CWC27: variants seen among roughly 807,000 people sequenced by gnomAD.
CWC27 encodes the protein CWC27 spliceosome associated cyclophilin.
CWC27 carries 47 observed loss-of-function variants against 63.6 expected under a neutral mutation model. That is an observed-to-expected ratio of 0.74 (90% CI 0.58 to 0.94). CWC27 has a LOEUF of 0.94. CWC27 is among the 40% of genes least tolerant of loss of function. The pLI, the probability that CWC27 is intolerant of heterozygous loss-of-function variation, is 0.00. For synonymous variants in CWC27, 175 were observed against 179.8 expected (o/e 0.97, Z 0.22); for missense variants, 495 against 554.3 (o/e 0.89, Z 1.07).
rs372214728 is a variant in CWC27, at chr5:64,845,143, C to T, written c.939-40300C>T. Among the ~76,000 whole-genome samples, 156 of 152,334 alleles carry T rather than the reference C, an allele frequency of 1.0e-3. 1 individual carries two copies. The highest frequency in any genetic ancestry group is 3.6e-3 in the African/African-American group (150 of 41,580). ...GCCCCATGTAACATCAGAGGAAAGG[C>T]ATCTGCCCAGCAAATTAGAGAACTC... On this transcript the variant is annotated intron_variant, in intron 10 of 13. Transcript: ENST00000381070.
rs750021889 is a variant in CWC27 at position 64,886,918 on chromosome 5, A to G, written c.1042+1372A>G. On this transcript the variant is annotated intron_variant, in intron 11 of 13. Transcript: ENST00000381070. ...AGCATTAATGAGATTTGAAACAGGT[A>G]CAGTCAGGATTATTTTATTTTTAGG... Among the ~76,000 whole-genome samples, 63 of 152,248 alleles carry G rather than the reference A, an allele frequency of 4.1e-4. 1 individual carries two copies. The Middle Eastern group carries it at 0.01, about 25-fold the overall frequency.
intron 10 of CWC27, among the ~76,000 whole-genome samples, chr5:64,860,632 C>A (rs1232936475): frequency 6.6e-6 from 1 of 152,154 alleles, no homozygotes; most frequent in Non-Finnish European, 1.5e-5. Context: ...GATATAACAT[C>A]AGTCTTTCTG....
intron 7 of CWC27, among the ~76,000 whole-genome samples, chr5:64,792,229 A>C (rs1023723259): frequency 2.6e-5 from 4 of 152,144 alleles, no homozygotes; most frequent in Non-Finnish European, 4.4e-5. Context: ...TTTTTTAAAA[A>C]TTAAGAATCC....
chr5:64,944,858 G>A (rs1485756951), intron 11 of CWC27, among the ~76,000 whole-genome samples: 1 of 152,010 alleles, frequency 6.6e-6, no homozygotes. Context: ...GGCAGATCTT[G>A]TCACTCTTTT....
chr5:64,824,904 T>G (rs1188813672), intron 10 of CWC27, among the ~76,000 whole-genome samples: 2 of 151,822 alleles, frequency 1.3e-5, no homozygotes, highest in South Asian at 2.1e-4. Flanking sequence ...AGCTAATTTT[T>G]TCTATTTTTA....
At chr5:64,793,560 G>A (rs901112709) in intron 7 of CWC27, among the ~76,000 whole-genome samples, 21 of 152,090 alleles carry the variant, frequency 1.4e-4, no homozygotes, top group African/African-American at 4.8e-4. Flanking sequence ...AGACTAGCTT[G>A]AATGTTGGAA....
At chr5:64,843,425 T>C (rs773230882) in intron 10 of CWC27, among the ~76,000 whole-genome samples, 1 of 152,228 alleles carries the variant, frequency 6.6e-6, no homozygotes, top group Non-Finnish European at 1.5e-5. Flanking sequence ...GATATTAACA[T>C]CTCAATTCTA....
Position 64,769,080 on chromosome 5 carries a change from A to G in CWC27, c.-67A>G. 7.4e-7 allele frequency: 1 copy of G among 1,344,486 alleles called. No homozygotes were observed. Among genetic ancestry groups the G allele is most frequent in the Non-Finnish European group, 1.1e-6 (1 of 938,270 alleles). The allele number at this position is 1,344,486 out of a possible 1,614,324, so 83.3% of individuals were successfully genotyped here. On this transcript the variant is annotated 5_prime_UTR_variant, in exon 1 of 14. Transcript: ENST00000381070. ...TAAGGAAGAGTGTACTCGTAGGCGG[A>G]CAGCTTTAGTGGCCGGCCGGCCGCT...
At chr5:65,000,146 T>C (rs926909803) in intron 13 of CWC27, among the ~76,000 whole-genome samples, 4 of 152,116 alleles carry the variant, frequency 2.6e-5, no homozygotes, top group Non-Finnish European at 5.9e-5. Context: ...CTTTCAGAGA[T>C]GTCTATTCAG....
chr5:64,983,589 C>T (rs1402796715), intron 13 of CWC27, among the ~76,000 whole-genome samples: 1 of 152,102 alleles, frequency 6.6e-6, no homozygotes. Flanking sequence ...AGCTTTTTTC[C>T]AGGTCCCAGT....
At chr5:64,877,163 T>A (rs1746813599) in intron 10 of CWC27, among the ~76,000 whole-genome samples, 1 of 151,960 alleles carries the variant, frequency 6.6e-6, no homozygotes, top group Non-Finnish European at 1.5e-5. Context: ...GAGTCGACCT[T>A]AGAGTCCATC....
intron 7 of CWC27, among the ~76,000 whole-genome samples, chr5:64,793,102 G>A (rs1744135751): frequency 6.6e-6 from 1 of 151,908 alleles, no homozygotes; most frequent in South Asian, 2.1e-4. Flanking sequence ...CAATCTAGAG[G>A]GCTGGTGAGA....
intron 13 of CWC27, among the ~76,000 whole-genome samples, chr5:64,985,602 T>C (rs1749410376): frequency 6.6e-6 from 1 of 152,224 alleles, no homozygotes; most frequent in Non-Finnish European, 1.5e-5. Context: ...GGTTTTTGTT[T>C]GTTGGCCTGG....
At chr5:64,858,738 T>A (rs1746325338) in intron 10 of CWC27, among the ~76,000 whole-genome samples, 4 of 149,626 alleles carry the variant, frequency 2.7e-5, no homozygotes, top group Admixed American at 6.6e-5. Flanking sequence ...AAAAAAAAAA[T>A]GAAAAAACCA....
At position 65,012,766 on chromosome 5, in the gene CWC27, T is replaced by C. The variant is rs886255500; in HGVS notation, c.1257-5393T>C. On this transcript the variant is annotated intron_variant, in intron 13 of 13. Coordinates refer to ENST00000381070, the MANE Select transcript of CWC27 (RefSeq NM_005869.4). Reference sequence around the variant, plus strand: ...GTTTGTCATTAGGAACCAGCTGTTCTCCATCTCTGAAGGGGCAAGGACAAA... The same window carrying C: ...GTTTGTCATTAGGAACCAGCTGTTCCCCATCTCTGAAGGGGCAAGGACAAA... Among the ~76,000 whole-genome samples, 4 of 152,334 alleles carry C rather than the reference T, an allele frequency of 2.6e-5. No homozygotes were observed. In the South Asian group the frequency reaches 8.3e-4, roughly 32 times the overall value.
intron 13 of CWC27, among the ~76,000 whole-genome samples, chr5:65,004,475 T>C (rs1428250012): frequency 6.6e-6 from 1 of 150,400 alleles, no homozygotes; most frequent in African/African-American, 2.4e-5. Context: ...CTAAATCTAG[T>C]CTATTGTTGA....
intron 11 of CWC27, among the ~76,000 whole-genome samples, chr5:64,914,479 C>T (rs989620630): frequency 2.0e-5 from 3 of 152,084 alleles, no homozygotes; most frequent in Non-Finnish European, 2.9e-5. Context: ...AGAGACTTCA[C>T]GAGGCGCTTC....
At chr5:64,955,835 A>C (rs943196756) in intron 11 of CWC27, among the ~76,000 whole-genome samples, 1 of 152,166 alleles carries the variant, frequency 6.6e-6, no homozygotes, top group Admixed American at 6.6e-5. Flanking sequence ...ATTCTCATAG[A>C]TACAGAAAAA....
chr5:65,004,401 T>TA (rs1554030511), intron 13 of CWC27, among the ~76,000 whole-genome samples: 1 of 112,358 alleles, frequency 8.9e-6, no homozygotes, highest in Non-Finnish European at 1.7e-5. Flanking sequence ...TTTTTTTTGG[T>TA]GGGGGGGTGG....
Sources: gnomAD v4.1 joint callset for allele counts (sites outside exome capture counted in the v4.1 genomes callset) on GRCh38, gnomAD v4.1.1 for gene constraint, MANE v1.5 for transcripts, NCBI Gene and HGNC (gene_info 2026-07-23, HGNC 2026-07-21) for gene names.